Variants in MBD5 observed in about 807,000 individuals in gnomAD.
MBD5 encodes the protein methyl-CpG binding domain protein 5.
Under a neutral mutation model 117.3 loss-of-function variants are expected in MBD5, and 13 were observed. The ratio of observed to expected loss-of-function variants is 0.11; its 90% CI spans 0.07 to 0.18. The LOEUF is 0.18. Ranked by LOEUF, MBD5 falls within the 10% of genes least tolerant of loss-of-function variation. The pLI is 1.00. For missense variants in MBD5, 1,879 were observed against 2,093.8 expected (o/e 0.90, Z 2.00); for synonymous variants, 727 against 766.4 (o/e 0.95, Z 0.85).
intron 4 of MBD5, among the ~76,000 whole-genome samples, chr2:148,445,869 A>G (rs1574431544): frequency 6.6e-6 from 1 of 151,154 alleles, no homozygotes; most frequent in Non-Finnish European, 1.5e-5. Context: ...TTTGATTTGC[A>G]TTTCTCTAAT....
At chr2:148,462,934 C>T (rs956669502) in intron 6 of MBD5, among the ~76,000 whole-genome samples, 1 of 152,004 alleles carries the variant, frequency 6.6e-6, no homozygotes, top group Non-Finnish European at 1.5e-5. Flanking sequence ...ACCTTTCTAC[C>T]TTTTCATTAG....
At chr2:148,043,912 GACTGGGA>G (rs1460763310) in intron 1 of MBD5, among the ~76,000 whole-genome samples, 1 of 152,154 alleles carries the variant, frequency 6.6e-6, no homozygotes, top group Non-Finnish European at 1.5e-5. Context: ...TAATACATCA[GACTGGGA>G]TTTTCAATTA....
intron 1 of MBD5, among the ~76,000 whole-genome samples, chr2:148,087,422 G>T (rs1303135142): frequency 6.6e-6 from 1 of 152,190 alleles, no homozygotes; most frequent in African/African-American, 2.4e-5. Context: ...ATTCGAGAAT[G>T]CTAGCACACT....
chr2:148,230,853 G>C (rs1411075428), intron 2 of MBD5, among the ~76,000 whole-genome samples: 2 of 152,180 alleles, frequency 1.3e-5, no homozygotes, highest in African/African-American at 4.8e-5. Flanking sequence ...TCACTAGCAA[G>C]ATCTGGAAAG....
intron 1 of MBD5, among the ~76,000 whole-genome samples, chr2:148,123,154 C>A (rs1238897987): frequency 6.6e-6 from 1 of 152,150 alleles, no homozygotes; most frequent in Non-Finnish European, 1.5e-5. Flanking sequence ...ACAATGAGTA[C>A]TTATTAAATA....
intron 1 of MBD5, among the ~76,000 whole-genome samples, chr2:148,063,573 A>T (rs1695099692): frequency 6.6e-6 from 1 of 152,034 alleles, no homozygotes; most frequent in African/African-American, 2.4e-5. Context: ...TTTAATACAA[A>T]AACAGGCAGC....
chr2:148,328,701 C>T lies in MBD5; in HGVS notation c.-679-13513C>T, dbSNP rs184076007. ...GGCAATGCCTCACCCTGCTTTGGCTCGCACATGGTGCGTGCACCCACTGAC... is the reference window on the plus strand; with the variant it reads ...GGCAATGCCTCACCCTGCTTTGGCTTGCACATGGTGCGTGCACCCACTGAC... On this transcript the variant is annotated intron_variant, in intron 3 of 13. Coordinates refer to ENST00000642680, the MANE Select transcript of MBD5 (RefSeq NM_001378120.1). 5.3e-5 allele frequency among the ~76,000 whole-genome samples: 8 copies of T among 151,432 alleles called. No individual in the cohort carries two copies. The South Asian group carries it at 8.4e-4, about 16-fold the overall frequency.
At chr2:148,453,613 T>G (rs1706792470) in intron 4 of MBD5, among the ~76,000 whole-genome samples, 1 of 151,966 alleles carries the variant, frequency 6.6e-6, no homozygotes, top group African/African-American at 2.4e-5. Context: ...ATAAACAAGG[T>G]GGGTCTTTGG....
chr2:148,437,978 G>A (rs183874419), intron 4 of MBD5, among the ~76,000 whole-genome samples: 82 of 152,274 alleles, frequency 5.4e-4, no homozygotes, highest in African/African-American at 1.7e-3. Flanking sequence ...AAAAGGACCT[G>A]TCTTTATTTA....
At chr2:148,489,099 C>T (rs1355758579) in intron 10 of MBD5, among the ~76,000 whole-genome samples, 2 of 152,132 alleles carry the variant, frequency 1.3e-5, no homozygotes, top group African/African-American at 4.8e-5. Context: ...AGTACGTTTT[C>T]TGTCCAGCCA....
chr2:148,310,060 A>G (rs1701992290), intron 3 of MBD5, among the ~76,000 whole-genome samples: 1 of 152,160 alleles, frequency 6.6e-6, no homozygotes, highest in African/African-American at 2.4e-5. Flanking sequence ...TATTTTATTG[A>G]GGATTTTTGC....
chr2:148,221,999 C>A (rs1699697197), intron 2 of MBD5, among the ~76,000 whole-genome samples: 1 of 152,062 alleles, frequency 6.6e-6, no homozygotes, highest in Non-Finnish European at 1.5e-5. Flanking sequence ...TCCCCAGCAC[C>A]ATTTATTGAA....
chr2:148,419,473 G>A (rs530810509), intron 4 of MBD5, among the ~76,000 whole-genome samples: 1 of 152,102 alleles, frequency 6.6e-6, no homozygotes, highest in African/African-American at 2.4e-5. Context: ...TATGAGCTAT[G>A]AAAATAACTT....
intron 4 of MBD5, among the ~76,000 whole-genome samples, chr2:148,398,122 A>C (rs544094003): frequency 6.6e-6 from 1 of 152,152 alleles, no homozygotes; most frequent in African/African-American, 2.4e-5. Flanking sequence ...ATACGTGTGC[A>C]TGTGTCTTTA....
chr2:148,398,102 T>C (rs1177705317), intron 4 of MBD5, among the ~76,000 whole-genome samples: 17 of 152,284 alleles, frequency 1.1e-4, no homozygotes, highest in Admixed American at 3.3e-4. Flanking sequence ...TGAATAGTGC[T>C]GCAATAAACA....
intron 1 of MBD5, among the ~76,000 whole-genome samples, chr2:148,162,873 G>A (rs1267118105): frequency 6.6e-6 from 1 of 151,990 alleles, no homozygotes. Flanking sequence ...ATAAAAAATG[G>A]CAAATAAATA....
At position 148,458,627 on chromosome 2, in the gene MBD5, T is replaced by A; in HGVS notation, c.-132T>A. The A allele has an allele frequency of 1.3e-6, 1 of 754,550 alleles. No individual in the cohort carries two copies. The highest frequency in any genetic ancestry group is 2.6e-5 in the East Asian group (1 of 38,252). The allele number at this position is 754,550 out of a possible 1,614,324, so 46.7% of individuals were successfully genotyped here. A position where few individuals can be genotyped will look rare whatever the true frequency, so the allele number is the denominator to read the frequency against. On this transcript the variant is annotated 5_prime_UTR_variant, in exon 5 of 14. Transcript: ENST00000642680. ...CTTGGTTCCAAACTGAGCTGAAGCT[T>A]CCCAATGCGTTTTGTACAGTCTGGG... is the stretch of plus-strand genomic sequence containing the variant.
At chr2:148,213,297 A>C (rs1445587492) in intron 2 of MBD5, among the ~76,000 whole-genome samples, 1 of 152,176 alleles carries the variant, frequency 6.6e-6, no homozygotes. Context: ...TTAGCTACAA[A>C]AATTTGAGAA....
chr2:148,091,404 A>T (rs1695936163), intron 1 of MBD5, among the ~76,000 whole-genome samples: 1 of 152,308 alleles, frequency 6.6e-6, no homozygotes, highest in Non-Finnish European at 1.5e-5. Context: ...CTGACTTCAA[A>T]CTGTACTACA....
Sources: gnomAD v4.1 joint callset for allele counts (sites outside exome capture counted in the v4.1 genomes callset) on GRCh38, gnomAD v4.1.1 for gene constraint, MANE v1.5 for transcripts, NCBI Gene and HGNC (gene_info 2026-07-23, HGNC 2026-07-21) for gene names.